Variants in XKR4 observed in about 807,000 individuals in gnomAD.
XKR4 encodes the protein XK related 4, also known as XK-related protein 4.
A neutral mutation model predicts 53.9 loss-of-function variants in XKR4; 12 were observed. That is an observed-to-expected ratio of 0.22 (90% CI 0.14 to 0.36). The LOEUF (loss-of-function observed/expected upper bound fraction) is 0.36, where lower values mean the gene tolerates loss of function less well. Ranked by LOEUF, XKR4 falls within the 10% of genes least tolerant of loss-of-function variation. The pLI is 1.00. For missense variants in XKR4, 799 were observed against 859.5 expected (o/e 0.93, Z 0.88); for synonymous variants, 354 against 362.4 (o/e 0.98, Z 0.26).
At chr8:55,207,197 G>A (rs1436427123) in intron 1 of XKR4, among the ~76,000 whole-genome samples, 2 of 152,174 alleles carry the variant, frequency 1.3e-5, no homozygotes, top group Non-Finnish European at 2.9e-5. Context: ...CAGCTTCCAA[G>A]CTAGCTAGCT....
intron 2 of XKR4, among the ~76,000 whole-genome samples, chr8:55,464,170 CA>C (rs1182177282): frequency 2.0e-4 from 31 of 151,938 alleles, no homozygotes; most frequent in Non-Finnish European, 4.0e-4. Flanking sequence ...AGAGACACAA[CA>C]AAAAAAGAGA....
intron 2 of XKR4, among the ~76,000 whole-genome samples, chr8:55,411,156 T>C (rs1317694595): frequency 6.6e-6 from 1 of 152,148 alleles, no homozygotes; most frequent in African/African-American, 2.4e-5. Context: ...TGAATGGTGG[T>C]TTAGGAGGCA....
intron 1 of XKR4, among the ~76,000 whole-genome samples, chr8:55,275,151 C>T (rs2129373055): frequency 6.6e-6 from 1 of 151,964 alleles, no homozygotes; most frequent in Non-Finnish European, 1.5e-5. Context: ...AAAATATTTC[C>T]ATTTCAAAAG....
chr8:55,243,887 C>T (rs75554284), intron 1 of XKR4, among the ~76,000 whole-genome samples: 4,484 of 152,260 alleles, frequency 0.029, 113 homozygotes, highest in Middle Eastern at 0.068. Context: ...CTAGACAGTG[C>T]GTGCAAGTGC....
At chr8:55,291,511 G>A (rs924947197) in intron 1 of XKR4, among the ~76,000 whole-genome samples, 1 of 152,080 alleles carries the variant, frequency 6.6e-6, no homozygotes, top group African/African-American at 2.4e-5. Flanking sequence ...ATATCTTTCA[G>A]TTTATTTAGA....
At chr8:55,386,120 G>C (rs1330699317) in intron 2 of XKR4, among the ~76,000 whole-genome samples, 3 of 152,168 alleles carry the variant, frequency 2.0e-5, no homozygotes, top group Non-Finnish European at 4.4e-5. Context: ...CATTTTGTAG[G>C]ACGAGGAGAC....
At chr8:55,337,020 T>A (rs1258936977) in intron 1 of XKR4, among the ~76,000 whole-genome samples, 4 of 152,212 alleles carry the variant, frequency 2.6e-5, no homozygotes, top group Admixed American at 6.5e-5. Context: ...TAGGAATACT[T>A]ACTTTAAATA....
At chr8:55,359,910 C>T (rs1012039092) in intron 2 of XKR4, among the ~76,000 whole-genome samples, 2 of 152,192 alleles carry the variant, frequency 1.3e-5, no homozygotes, top group Non-Finnish European at 2.9e-5. Context: ...TCTTTCCTCA[C>T]ATCTAGTGTC....
intron 1 of XKR4, among the ~76,000 whole-genome samples, chr8:55,313,642 A>C (rs1339744233): frequency 6.6e-6 from 1 of 152,222 alleles, no homozygotes; most frequent in Non-Finnish European, 1.5e-5. Context: ...AATAAAGGTT[A>C]AAATGAGGGT....
chr8:55,195,991 G>C (rs760176427), intron 1 of XKR4, among the ~76,000 whole-genome samples: 4 of 152,130 alleles, frequency 2.6e-5, no homozygotes, highest in Non-Finnish European at 5.9e-5. Context: ...GCACCAGAGG[G>C]ACACAGCATG....
At chr8:55,246,847 T>C (rs1818292162) in intron 1 of XKR4, among the ~76,000 whole-genome samples, 1 of 149,792 alleles carries the variant, frequency 6.7e-6, no homozygotes, top group African/African-American at 2.4e-5. Context: ...AGGAGAATAA[T>C]GAGAGCTGCC....
chr8:55,422,575 C>G (rs1280734889), intron 2 of XKR4, among the ~76,000 whole-genome samples: 1 of 152,206 alleles, frequency 6.6e-6, no homozygotes, highest in Non-Finnish European at 1.5e-5. Context: ...AGCAAGTAGT[C>G]TACATCGAAT....
chr8:55,452,264 A>C, intron 2 of XKR4: 1 of 648,332 alleles, frequency 1.5e-6, no homozygotes, highest in Non-Finnish European at 2.8e-6. Flanking sequence ...GCAATAGCTG[A>C]TCCAAAGGGG....
chr8:55,167,551 G>A (rs1044612514), intron 1 of XKR4, among the ~76,000 whole-genome samples: 1 of 152,180 alleles, frequency 6.6e-6, no homozygotes, highest in South Asian at 2.1e-4. Context: ...GAATGATTGC[G>A]ATAGACTTCG....
intron 1 of XKR4, among the ~76,000 whole-genome samples, chr8:55,174,356 A>G (rs1817202485): frequency 6.6e-6 from 1 of 152,156 alleles, no homozygotes; most frequent in Non-Finnish European, 1.5e-5. Context: ...ACTCCACCTA[A>G]AAGAAGAGTA....
intron 1 of XKR4, among the ~76,000 whole-genome samples, chr8:55,196,530 A>G (rs1366542496): frequency 6.6e-6 from 1 of 152,224 alleles, no homozygotes; most frequent in Non-Finnish European, 1.5e-5. Context: ...GAAAGTTTGT[A>G]ATGGAATATC....
chr8:55,214,062 A>G (rs1226034557), intron 1 of XKR4, among the ~76,000 whole-genome samples: 2 of 151,810 alleles, frequency 1.3e-5, no homozygotes, highest in African/African-American at 4.8e-5. Context: ...GGGTTTCACC[A>G]TGTTGGCCTG....
At chr8:55,265,589 C>T (rs1040822470) in intron 1 of XKR4, among the ~76,000 whole-genome samples, 1 of 152,182 alleles carries the variant, frequency 6.6e-6, no homozygotes, top group Non-Finnish European at 1.5e-5. Context: ...CATAGTGGCT[C>T]ATTCCTGTAA....
chr8:55,126,446 G>A (rs934380835), intron 1 of XKR4, among the ~76,000 whole-genome samples: 5 of 152,310 alleles, frequency 3.3e-5, no homozygotes, highest in Admixed American at 2.0e-4. Context: ...GCTTGGTTCT[G>A]CAATCCCTCC....
Sources: allele counts gnomAD v4.1 joint callset (sites outside exome capture counted in the v4.1 genomes callset), GRCh38; gene constraint gnomAD v4.1.1; transcripts MANE v1.5; gene names NCBI Gene and HGNC (gene_info 2026-07-23, HGNC 2026-07-21).